The following TECRL variants were observed in gnomAD, a reference collection of about 807,000 sequenced individuals.
TECRL encodes the protein trans-2,3-enoyl-CoA reductase-like.
TECRL carries 63 observed loss-of-function variants against 52.8 expected under a neutral mutation model. The ratio of observed to expected loss-of-function variants is 1.19; its 90% CI spans 0.97 to 1.47. The LOEUF is 1.47. Among genes scored for constraint, TECRL ranks in the 40% most tolerant of loss-of-function variants. The pLI, the probability that TECRL is intolerant of heterozygous loss-of-function variation, is 0.00. For missense variants in TECRL, 482 were observed against 429.6 expected, an observed-to-expected ratio of 1.12 and a Z score of -1.08; for synonymous variants, 164 against 141.9, an observed-to-expected ratio of 1.16 and a Z score of -1.10.
chr4:64,384,502 C>G (rs2074567669), intron 1 of TECRL, among the ~76,000 whole-genome samples: 1 of 152,102 alleles, frequency 6.6e-6, no homozygotes, highest in Non-Finnish European at 1.5e-5. Context: ...ACAGATGGAA[C>G]AAGTGAATCC....
chr4:64,357,972 AAATAAT>A (rs1235216291), intron 2 of TECRL, among the ~76,000 whole-genome samples: 6 of 151,794 alleles, frequency 4.0e-5, no homozygotes, highest in Admixed American at 2.0e-4. Context: ...AACTAAATAT[AAATAAT>A]AAGTGTGAAA....
chr4:64,304,657 T>A (rs2109985417), intron 7 of TECRL, among the ~76,000 whole-genome samples: 1 of 152,122 alleles, frequency 6.6e-6, no homozygotes, highest in Non-Finnish European at 1.5e-5. Flanking sequence ...CCTTGAAGAT[T>A]AAGAACCAAG....
chr4:64,379,985 A>T (rs1177849031), intron 1 of TECRL, among the ~76,000 whole-genome samples: 1 of 151,986 alleles, frequency 6.6e-6, no homozygotes, highest in Non-Finnish European at 1.5e-5. Flanking sequence ...ATTGTTTTCC[A>T]TAATGTCTGT....
At chr4:64,334,633 T>C (rs113131789) in intron 2 of TECRL, among the ~76,000 whole-genome samples, 23 of 152,122 alleles carry the variant, frequency 1.5e-4, no homozygotes, top group Non-Finnish European at 2.9e-5. Flanking sequence ...ACTAACACAA[T>C]ATAATCAGCA....
At chr4:64,289,833 TAG>T in intron 8 of TECRL, 66 bp from the exon 9 acceptor site, 1 of 993,752 alleles carries the variant, frequency 1.0e-6, no homozygotes, top group Admixed American at 3.2e-5. Flanking sequence ...AAACATATTC[TAG>T]AGTTATATAA....
At position 64,322,108 on chromosome 4, in the gene TECRL, T is replaced by C. The variant is rs112259553; in HGVS notation, c.435+581A>G. Among the ~76,000 whole-genome samples the C allele has an allele frequency of 8.9e-3, 1,349 of 152,278 alleles. 17 individuals carry two copies. The highest frequency in any genetic ancestry group is 0.031 in the African/African-American group (1,283 of 41,556). ...CTTGTATCTGTTCTACCTAAGCTCATTCCTCAGGAGAGAACCTTCAGCTCT... is the reference window on the plus strand; with the variant it reads ...CTTGTATCTGTTCTACCTAAGCTCACTCCTCAGGAGAGAACCTTCAGCTCT... On this transcript the variant is annotated intron_variant, in intron 4 of 11. Transcript: ENST00000381210.
chr4:64,316,845 C>T (rs535803968), intron 4 of TECRL, among the ~76,000 whole-genome samples: 15 of 152,180 alleles, frequency 9.9e-5, no homozygotes, highest in South Asian at 8.3e-4. Context: ...ATTTATAGCT[C>T]CTCTTTCAAA....
Position 64,369,660 on chromosome 4 carries a change from C to T in TECRL, c.286+5512G>A, listed in dbSNP as rs559729127. 1.7e-4 allele frequency among the ~76,000 whole-genome samples: 26 copies of T among 151,784 alleles called. No homozygotes were observed. In the East Asian group the frequency reaches 3.3e-3, roughly 19 times the overall value. On this transcript the variant is annotated intron_variant, in intron 2 of 11. Coordinates refer to ENST00000381210, the MANE Select transcript of TECRL (RefSeq NM_001010874.5). ...TTCCATCTTTGTCACTTATTAGCTG[C>T]GTGACCTGGGGCAAGTTATATAATA...
chr4:64,295,491 A>G (rs1377583737), intron 8 of TECRL, among the ~76,000 whole-genome samples: 1 of 151,466 alleles, frequency 6.6e-6, no homozygotes, highest in African/African-American at 2.4e-5. Context: ...TGGAAATATC[A>G]GAATTATTTT....
intron 5 of TECRL, among the ~76,000 whole-genome samples, chr4:64,311,711 G>A (rs895991950): frequency 2.0e-5 from 3 of 152,074 alleles, no homozygotes; most frequent in African/African-American, 7.2e-5. Flanking sequence ...AACTCATCAA[G>A]TCTGATTTTA....
At chr4:64,352,249 T>G (rs1356668972) in intron 2 of TECRL, among the ~76,000 whole-genome samples, 1 of 152,184 alleles carries the variant, frequency 6.6e-6, no homozygotes, top group Non-Finnish European at 1.5e-5. Context: ...ATGAATAGGC[T>G]GTACAAGCAC....
chr4:64,338,875 C>T (rs189729633), intron 2 of TECRL, among the ~76,000 whole-genome samples: 4,563 of 152,178 alleles, frequency 0.03, 104 homozygotes, highest in African/African-American at 0.065. Flanking sequence ...GACAGTGGGG[C>T]GATTCCTCAG....
intron 2 of TECRL, among the ~76,000 whole-genome samples, chr4:64,374,658 G>A (rs1340834046): frequency 6.6e-6 from 1 of 151,702 alleles, no homozygotes; most frequent in Non-Finnish European, 1.5e-5. Flanking sequence ...GAGAACATGC[G>A]GTGTTTGGTT....
At chr4:64,340,748 G>A (rs1370530090) in intron 2 of TECRL, among the ~76,000 whole-genome samples, 2 of 152,178 alleles carry the variant, frequency 1.3e-5, no homozygotes, top group Non-Finnish European at 2.9e-5. Flanking sequence ...AGGCCGTGAA[G>A]TGCCTGAAGG....
At chr4:64,395,840 A>T (rs1723908598) in intron 1 of TECRL, among the ~76,000 whole-genome samples, 1 of 152,076 alleles carries the variant, frequency 6.6e-6, no homozygotes, top group Admixed American at 6.6e-5. Flanking sequence ...TCCACCCTCA[A>T]GTAGGCCCCA....
At chr4:64,282,375 C>T (rs1722872534) in intron 9 of TECRL, among the ~76,000 whole-genome samples, 1 of 151,946 alleles carries the variant, frequency 6.6e-6, no homozygotes, top group East Asian at 1.9e-4. Flanking sequence ...ACTTATAACT[C>T]TGAAGTCATA....
At chr4:64,294,433 G>T (rs1050120306) in intron 8 of TECRL, among the ~76,000 whole-genome samples, 21 of 152,106 alleles carry the variant, frequency 1.4e-4, no homozygotes, top group African/African-American at 5.1e-4. Flanking sequence ...TTCACTGAAA[G>T]AAAATAGGTT....
intron 6 of TECRL, among the ~76,000 whole-genome samples, chr4:64,309,028 G>A (rs1256817364): frequency 6.6e-6 from 1 of 152,106 alleles, no homozygotes; most frequent in African/African-American, 2.4e-5. Context: ...GAATGGAAAT[G>A]GCTCGGATTT....
intron 1 of TECRL, among the ~76,000 whole-genome samples, chr4:64,383,205 G>T (rs535929620): frequency 1.6e-4 from 24 of 152,016 alleles, no homozygotes; most frequent in African/African-American, 5.8e-4. Context: ...TATTCTCTCT[G>T]TCTTTGATTT....
Sources: allele counts gnomAD v4.1 joint callset (sites outside exome capture counted in the v4.1 genomes callset), GRCh38; gene constraint gnomAD v4.1.1; transcripts MANE v1.5; gene names NCBI Gene and HGNC (gene_info 2026-07-23, HGNC 2026-07-21).